SIMC1: variants seen among roughly 807,000 people sequenced by gnomAD.
The protein encoded by SIMC1 is SUMO interacting motifs containing 1, also known as SUMO-interacting motif-containing protein 1.
In SIMC1, 55 loss-of-function variants were observed where a neutral mutation model predicts 82.3. That is an observed-to-expected ratio of 0.67 (90% CI 0.54 to 0.84). SIMC1 has a LOEUF of 0.84. Ranked by LOEUF, SIMC1 falls within the 40% of genes least tolerant of loss-of-function variation. The pLI is 0.00. For synonymous variants in SIMC1, 353 were observed against 426.3 expected (o/e 0.83, Z 2.12); for missense variants, 915 against 1,107.2 (o/e 0.83, Z 2.46).
chr5:176,290,224 CCATGTCCACCACGAGCCTCCT>C lies in SIMC1; in HGVS notation c.705_725del (p.Ser240_Ala246del), dbSNP rs1763488073. ...TTTGCCATGCCCACCGAGAGCCTCACCATGTCCACCACGAGCCTCCTCATGCCCACCACGAGCCTTGTCATG... is the reference window on the plus strand; with the variant it reads ...TTTGCCATGCCCACCGAGAGCCTCACCATGCCCACCACGAGCCTTGTCATG... On this transcript the variant is annotated inframe_deletion, in exon 2 of 10. Coordinates refer to ENST00000429602, the MANE Select transcript of SIMC1 (RefSeq NM_001308195.2). The C allele has an allele frequency of 3.1e-6, 5 of 1,613,542 alleles. No individual in the cohort carries two copies. Among genetic ancestry groups the C allele is most frequent in the African/African-American group, 2.7e-5 (2 of 74,992 alleles).
At chr5:176,252,284 C>T (rs907025731) in intron 1 of SIMC1, among the ~76,000 whole-genome samples, 1 of 151,932 alleles carries the variant, frequency 6.6e-6, no homozygotes, top group East Asian at 1.9e-4. Context: ...ACCTCCGTCC[C>T]GGACGTGGTG....
At chr5:176,342,051 T>C (rs1019112695) in intron 9 of SIMC1, among the ~76,000 whole-genome samples, 1 of 152,210 alleles carries the variant, frequency 6.6e-6, no homozygotes, top group African/African-American at 2.4e-5. Context: ...CTTCTTTAAC[T>C]TTCCTGCATG....
intron 1 of SIMC1, among the ~76,000 whole-genome samples, chr5:176,278,852 C>T (rs1416821544): frequency 1.3e-5 from 2 of 149,888 alleles, no homozygotes; most frequent in Admixed American, 6.7e-5. Flanking sequence ...TTCGGTTTGC[C>T]AGTATTTTAT....
At chr5:176,305,837 C>A (rs1312144071) in intron 4 of SIMC1, among the ~76,000 whole-genome samples, 2 of 73,364 alleles carry the variant, frequency 2.7e-5, no homozygotes, top group East Asian at 4.2e-4. Flanking sequence ...GCCAGCCGCC[C>A]CGTCCGGGAG....
chr5:176,242,179 G>C (rs1289282308), intron 1 of SIMC1, among the ~76,000 whole-genome samples: 1 of 152,082 alleles, frequency 6.6e-6, no homozygotes, highest in Admixed American at 6.5e-5. Flanking sequence ...CACCACAGCA[G>C]CAGCAGATGT....
At chr5:176,303,028 C>CT (rs201255135) in intron 4 of SIMC1, among the ~76,000 whole-genome samples, 360 of 151,300 alleles carry the variant, frequency 2.4e-3, no homozygotes, top group African/African-American at 7.3e-3. Context: ...AACAGCATTT[C>CT]TTTTTTTTTG....
At chr5:176,284,045 A>C (rs974009593) in intron 1 of SIMC1, among the ~76,000 whole-genome samples, 4 of 152,204 alleles carry the variant, frequency 2.6e-5, no homozygotes, top group African/African-American at 9.7e-5. Flanking sequence ...GAGACCTGCA[A>C]AGAGACTTAG....
At chr5:176,287,684 A>G (rs1051674590) in intron 1 of SIMC1, among the ~76,000 whole-genome samples, 3 of 151,828 alleles carry the variant, frequency 2.0e-5, no homozygotes, top group African/African-American at 7.2e-5. Context: ...AACACTTAAA[A>G]AAATAAAATA....
intron 1 of SIMC1, among the ~76,000 whole-genome samples, chr5:176,262,795 A>T (rs1403635855): frequency 6.6e-6 from 1 of 152,026 alleles, no homozygotes; most frequent in Non-Finnish European, 1.5e-5. Context: ...ACAGAGTGAG[A>T]CTCTGTCTCA....
intron 7 of SIMC1, among the ~76,000 whole-genome samples, chr5:176,325,430 A>C (rs1402507850): frequency 6.6e-6 from 1 of 151,642 alleles, no homozygotes; most frequent in African/African-American, 2.4e-5. Context: ...TCACACCTGT[A>C]ATCCCAGCAC....
chr5:176,300,884 A>G (rs547688999), intron 4 of SIMC1, among the ~76,000 whole-genome samples: 1 of 152,308 alleles, frequency 6.6e-6, no homozygotes, highest in South Asian at 2.1e-4. Flanking sequence ...ACCTACCAAG[A>G]TTGACTCATG....
chr5:176,323,382 G>T (rs1197581753), intron 6 of SIMC1, among the ~76,000 whole-genome samples: 3 of 152,096 alleles, frequency 2.0e-5, no homozygotes, highest in Non-Finnish European at 4.4e-5. Flanking sequence ...CATGTTAGTA[G>T]AAATAACAAT....
At chr5:176,316,903 T>C in intron 5 of SIMC1, among the ~76,000 whole-genome samples, 1 of 149,622 alleles carries the variant, frequency 6.7e-6, no homozygotes, top group Non-Finnish European at 1.5e-5. Flanking sequence ...ATGAGAATCA[T>C]TTGAACCTGG....
chr5:176,291,142 T>G (rs1479400647), intron 2 of SIMC1, among the ~76,000 whole-genome samples, 187 bp downstream of exon 2: 1 of 145,036 alleles, frequency 6.9e-6, no homozygotes, highest in Non-Finnish European at 1.5e-5. Flanking sequence ...GCCCCACGCT[T>G]AAAAACTGTC....
At chr5:176,329,133 C>T (rs1444495689) in intron 7 of SIMC1, among the ~76,000 whole-genome samples, 2 of 152,118 alleles carry the variant, frequency 1.3e-5, no homozygotes, top group African/African-American at 4.8e-5. Context: ...CTTTTTAGTT[C>T]TATTACCTGT....
chr5:176,321,904 T>TG (rs1765176474), intron 5 of SIMC1, among the ~76,000 whole-genome samples: 1 of 147,768 alleles, frequency 6.8e-6, no homozygotes, highest in African/African-American at 2.5e-5. Flanking sequence ...TTTTTTTTTT[T>TG]TTGTAGAGTT....
chr5:176,306,849 A>G (rs1764438369), intron 4 of SIMC1, among the ~76,000 whole-genome samples: 1 of 151,474 alleles, frequency 6.6e-6, no homozygotes, highest in African/African-American at 2.4e-5. Context: ...CCTTCCCTCC[A>G]CTGTTGTCCC....
intron 1 of SIMC1, among the ~76,000 whole-genome samples, chr5:176,249,958 T>A (rs1761595736): frequency 6.6e-6 from 1 of 152,076 alleles, no homozygotes; most frequent in African/African-American, 2.4e-5. Context: ...TGCCTTCTGC[T>A]AGCTTTTGAA....
intron 1 of SIMC1, among the ~76,000 whole-genome samples, chr5:176,244,720 T>C (rs1761379037): frequency 1.0e-5 from 1 of 98,978 alleles, no homozygotes; most frequent in South Asian, 3.4e-4. Flanking sequence ...TTTTTTTTCC[T>C]TTTTTTTTTT....
Sources: allele counts gnomAD v4.1 joint callset (sites outside exome capture counted in the v4.1 genomes callset), GRCh38; gene constraint gnomAD v4.1.1; transcripts MANE v1.5; gene names NCBI Gene and HGNC (gene_info 2026-07-23, HGNC 2026-07-21).